DISP3: variants seen among roughly 807,000 people sequenced by gnomAD.
DISP3 encodes protein dispatched homolog 3.
DISP3 carries 101 observed loss-of-function variants against 135.3 expected under a neutral mutation model. The observed-to-expected ratio is 0.75, with a 90% CI of 0.64 to 0.88. The LOEUF (loss-of-function observed/expected upper bound fraction) is 0.88. Ranked by LOEUF, DISP3 falls within the 40% of genes least tolerant of loss-of-function variation. DISP3 has a pLI of 0.00. For synonymous variants in DISP3, 856 were observed against 817.0 expected (o/e 1.05, Z -0.81); for missense variants, 1,713 against 1,878.6 (o/e 0.91, Z 1.63).
intron 1 of DISP3, among the ~76,000 whole-genome samples, chr1:11,485,176 C>A (rs186036036): frequency 4.7e-4 from 72 of 152,202 alleles, no homozygotes; most frequent in African/African-American, 1.7e-3. Context: ...GCCAGGCCCC[C>A]CACCACAGTA....
rs1415429947 is a variant in DISP3 at position 11,529,813 on chromosome 1, T to C, written c.2956T>C (p.Phe986Leu). 6.2e-7 allele frequency: 1 copy of C among 1,613,844 alleles called. No homozygotes were observed. The highest frequency in any genetic ancestry group is 8.5e-7 in the Non-Finnish European group (1 of 1,179,982). Residue 986 changes from phenylalanine to leucine, a missense_variant, in exon 15 of 21, where the codon TTC becomes CTC. Transcript: ENST00000294484. This position sits in a 1 kb window ranked among gnomAD's most constrained non-coding sequence, Gnocchi z 4.7. Reference protein sequence around the residue: ...KVPKARLSATFGFNPCVNTGC... With the variant: ...KVPKARLSATLGFNPCVNTGC... ...GCCCAAGGCCCGTCTCTCAGCCACC[T>C]TCGGCTTCAACCCCTGCGTGAACAC... is the stretch of plus-strand genomic sequence containing the variant.
chr1:11,533,025 C>T lies in DISP3; in HGVS notation c.3375+1315C>T, dbSNP rs190816853. Among the ~76,000 whole-genome samples, 358 of 152,014 alleles carry T rather than the reference C, an allele frequency of 2.4e-3. 2 individuals are homozygous for T. The highest frequency in any genetic ancestry group is 8.2e-3 in the African/African-American group (340 of 41,460). On this transcript the variant is annotated intron_variant, in intron 17 of 20. Transcript: ENST00000294484. ...CTGGCCTGAACCATTTTTAAGCATACGACTCTGTGGCATTAAGTATGTTCA... is the reference window on the plus strand; with the variant it reads ...CTGGCCTGAACCATTTTTAAGCATATGACTCTGTGGCATTAAGTATGTTCA...
At chr1:11,492,703 G>T (rs1219559905) in intron 1 of DISP3, among the ~76,000 whole-genome samples, 1 of 152,260 alleles carries the variant, frequency 6.6e-6, no homozygotes, top group African/African-American at 2.4e-5. Context: ...ATGGGGAGTA[G>T]AGGTAGGTGC....
rs1453004668 is a variant in DISP3, at chr1:11,536,626, C to G, written c.4119C>G (p.Ala1373=). ...TGGCAGGGGCCCTGGGGCTGGGTGC[C>G]TGCCTCGTGCTCCTGCAGAGCGGCT... ...VLLAGALGLG[A]CLVLLQSGYK... Residue 1373 remains alanine, a synonymous_variant, in exon 21 of 21, where the codon GCC becomes GCG. Coordinates refer to ENST00000294484, the MANE Select transcript of DISP3 (RefSeq NM_020780.2). This position sits in a 1 kb window ranked among gnomAD's most constrained non-coding sequence, Gnocchi z 4.3. The G allele has an allele frequency of 1.9e-6, 3 of 1,606,312 alleles. No homozygotes were observed. The Admixed American group carries it at 5.1e-5, about 27-fold the overall frequency.
At chr1:11,489,821 C>A (rs925574982) in intron 1 of DISP3, among the ~76,000 whole-genome samples, 25 of 152,184 alleles carry the variant, frequency 1.6e-4, no homozygotes, top group African/African-American at 5.5e-4. Flanking sequence ...CCCTTGCCCC[C>A]AAGCTTGAAC....
chr1:11,522,948 GCCCAACCAGGA>G lies in DISP3; in HGVS notation c.2363-989_2363-979del, dbSNP rs1310902905. Among the ~76,000 whole-genome samples, 843 of 103,742 alleles carry G rather than the reference GCCCAACCAGGA, an allele frequency of 8.1e-3. 10 individuals carry two copies. Among genetic ancestry groups the G allele is most frequent in the African/African-American group, 0.014 (363 of 25,516 alleles). The allele number at this position is 103,742 out of a possible 152,430, so 68.1% of individuals were successfully genotyped here. A position where few individuals can be genotyped will look rare whatever the true frequency, so the allele number is the denominator to read the frequency against. ...AGGACCCAGCCAGGACCCAGCCAGAGCCCAACCAGGACCCAGCCAGGACCCAGCCGGAGCCC... is the reference window on the plus strand; with the variant it reads ...AGGACCCAGCCAGGACCCAGCCAGAGCCCAGCCAGGACCCAGCCGGAGCCC... On this transcript the variant is annotated intron_variant, in intron 10 of 20. Transcript: ENST00000294484.
At position 11,516,013 on chromosome 1, in the gene DISP3, T is replaced by C. The variant is rs777115372; in HGVS notation, c.1601T>C (p.Val534Ala). 51 of 1,613,918 alleles carry C rather than the reference T, an allele frequency of 3.2e-5. No individual in the cohort carries two copies. The highest frequency in any genetic ancestry group is 4.1e-5 in the Non-Finnish European group (48 of 1,179,892). ...FVIVGIGVDD[V>A]FVFINTYRQA... ...CTCCCTCCCACAGGTGTGGACGATG[T>C]CTTTGTGTTCATCAACACCTACCGC... is the stretch of plus-strand genomic sequence containing the variant. Residue 534 changes from valine to alanine, a missense_variant, in exon 6 of 21, where the codon GTC becomes GCC. Coordinates refer to ENST00000294484, the MANE Select transcript of DISP3 (RefSeq NM_020780.2). The surrounding 1 kb of genome is among the most constrained non-coding windows in gnomAD (Gnocchi z 5.1).
At chr1:11,484,363 T>A (rs1393122391) in intron 1 of DISP3, among the ~76,000 whole-genome samples, 2 of 152,186 alleles carry the variant, frequency 1.3e-5, no homozygotes, top group Admixed American at 1.3e-4. Context: ...GGTTTGGAAC[T>A]AATGCCAAGG....
intron 4 of DISP3, 84 bp downstream of exon 4, chr1:11,514,610 A>AGC: frequency 6.7e-7 from 1 of 1,490,242 alleles, no homozygotes; most frequent in Non-Finnish European, 9.2e-7. Flanking sequence ...AGAATGCTGC[A>AGC]ATACTCTTGA....
At chr1:11,504,952 G>A (rs1439659523) in intron 3 of DISP3, among the ~76,000 whole-genome samples, 1 of 152,206 alleles carries the variant, frequency 6.6e-6, no homozygotes, top group East Asian at 1.9e-4. Flanking sequence ...CACAGACTTT[G>A]GAGTCAGATA....
intron 1 of DISP3, among the ~76,000 whole-genome samples, chr1:11,486,660 A>C (rs1006613459): frequency 7.2e-5 from 11 of 152,114 alleles, no homozygotes; most frequent in African/African-American, 2.7e-4. Flanking sequence ...AAAGGAGTTG[A>C]AGACATCACT....
chr1:11,502,775 G>A lies in DISP3; in HGVS notation c.1194G>A (p.Glu398=). The change falls in exon 3 of 21, where the codon GAG becomes GAA. Residue 398 remains glutamate (E), a synonymous_variant. Coordinates refer to ENST00000294484, the MANE Select transcript of DISP3 (RefSeq NM_020780.2). Reference sequence around the variant, plus strand: ...TGAAGAGCTCCCTCCTGCGCAGTGAGATCCTGTTTGGAGCACCCCTGCCCA... The same window carrying A: ...TGAAGAGCTCCCTCCTGCGCAGTGAAATCCTGTTTGGAGCACCCCTGCCCA... ...DNLKSSLLRS[E]ILFGAPLPNY... is the part of the protein sequence containing the mutation. The A allele has an allele frequency of 6.2e-7, 1 of 1,614,204 alleles. No homozygotes were observed. The highest frequency in any genetic ancestry group is 8.5e-7 in the Non-Finnish European group (1 of 1,180,038).
chr1:11,484,650 C>T (rs533573949), intron 1 of DISP3, among the ~76,000 whole-genome samples: 6 of 152,328 alleles, frequency 3.9e-5, no homozygotes, highest in Non-Finnish European at 7.3e-5. Context: ...TCCTCCCATC[C>T]GTTCCTCCCT....
chr1:11,488,635 CTCTGTG>C (rs1264915260), intron 1 of DISP3, among the ~76,000 whole-genome samples: 1,410 of 83,980 alleles, frequency 0.017, 27 homozygotes, highest in African/African-American at 0.064. Flanking sequence ...AGGGCAGATG[CTCTGTG>C]TGTGTGTGTG....
At chr1:11,485,460 C>T (rs921093154) in intron 1 of DISP3, among the ~76,000 whole-genome samples, 3 of 152,160 alleles carry the variant, frequency 2.0e-5, no homozygotes, top group Non-Finnish European at 4.4e-5. Context: ...CTGGAAGCCA[C>T]TCCTGTCGTG....
In DISP3 at chr1:11,537,226, C is replaced by G. The variant is rs1458666423; in HGVS notation, c.*540C>G. The G allele has an allele frequency of 6.5e-6, 1 of 154,044 alleles. No individual in the cohort carries two copies. The highest frequency in any genetic ancestry group is 2.4e-5 in the African/African-American group (1 of 41,446). The allele number at this position is 154,044 out of a possible 1,614,324, so 9.5% of individuals were successfully genotyped here. On this transcript the variant is annotated 3_prime_UTR_variant, in exon 21 of 21. Coordinates refer to ENST00000294484, the MANE Select transcript of DISP3 (RefSeq NM_020780.2). ...CTCTCACCCCCTAACCCCGCCCCCC[C>G]GCAACCCTCCCCTTCAGCTTTACGG...
At position 11,520,880 on chromosome 1, in the gene DISP3, G is replaced by T. The variant is rs756063461; in HGVS notation, c.2362+32G>T. 3 of 1,556,416 alleles carry T rather than the reference G, an allele frequency of 1.9e-6. No homozygotes were observed. In the South Asian group the frequency reaches 3.5e-5, roughly 18 times the overall value. On this transcript the variant is annotated intron_variant, in intron 10 of 20. Coordinates refer to ENST00000294484, the MANE Select transcript of DISP3 (RefSeq NM_020780.2). The surrounding 1 kb of genome is among the most constrained non-coding windows in gnomAD (Gnocchi z 4.8). Reference sequence around the variant, plus strand: ...CTTCTAGCCAGGCTGTCCCTGGCCCGCTCAGGTGTCCGGGTCCCAAAGACT... The same window carrying T: ...CTTCTAGCCAGGCTGTCCCTGGCCCTCTCAGGTGTCCGGGTCCCAAAGACT...
chr1:11,501,162 C>T lies in DISP3; in HGVS notation c.170C>T (p.Ala57Val). 1 of 1,613,986 alleles carries T rather than the reference C, an allele frequency of 6.2e-7. No individual in the cohort carries two copies. The highest frequency in any genetic ancestry group is 8.5e-7 in the Non-Finnish European group (1 of 1,179,936). The change falls in exon 2 of 21, where the codon GCT (alanine) becomes GTT (valine). Residue 57 changes from alanine to valine, a missense_variant. Physicochemically the swap from Ala to Val is moderately conservative, Grantham distance 64 (BLOSUM62 0). This residue lies in a region of DISP3 where 571 missense variants were observed against 494.1 expected (regional missense o/e 1.16). Coordinates refer to ENST00000294484, the MANE Select transcript of DISP3 (RefSeq NM_020780.2). This position sits in a 1 kb window ranked among gnomAD's most constrained non-coding sequence, Gnocchi z 4.9. ...RHWPLASRPP[A>V]SGFWSTLGWA... ...TGGCCCCTGGCTTCCCGACCCCCAG[C>T]TTCGGGCTTCTGGAGTACCCTGGGC...
chr1:11,491,065 C>T lies in DISP3; in HGVS notation c.-3-9925C>T, dbSNP rs1417306208. On this transcript the variant is annotated intron_variant, in intron 1 of 20. Transcript: ENST00000294484. This position sits in a 1 kb window ranked among gnomAD's most constrained non-coding sequence, Gnocchi z 4.3. The stretch of plus-strand genomic sequence containing the variant: ...TGGCCCAAATGCCATCATTTCTTCC[C>T]TCCCCATGGATGGAGGAAAAGACAC... 2.6e-5 allele frequency among the ~76,000 whole-genome samples: 4 copies of T among 152,192 alleles called. No individual in the cohort carries two copies. Among genetic ancestry groups the T allele is most frequent in the Non-Finnish European group, 5.9e-5 (4 of 68,032 alleles).
Sources: allele counts gnomAD v4.1 joint callset (sites outside exome capture counted in the v4.1 genomes callset), GRCh38; gene constraint gnomAD v4.1.1; regional missense constraint gnomAD v4.1.1; non-coding constraint Gnocchi (gnomAD v3.1); transcripts MANE v1.5; gene names NCBI Gene and HGNC (gene_info 2026-07-23, HGNC 2026-07-21).